MED12L: variants seen among roughly 807,000 people sequenced by gnomAD.
MED12L encodes the protein mediator complex subunit 12L.
In MED12L, 60 loss-of-function variants were observed where a neutral mutation model predicts 281.3. That is an observed-to-expected ratio of 0.21 (90% CI 0.17 to 0.26). The LOEUF is 0.26. MED12L is among the 10% of genes least tolerant of loss of function. The probability of loss-of-function intolerance (pLI) is 1.00; values close to 1 mark genes in which losing one functional copy is unlikely to be tolerated. For synonymous variants in MED12L, 974 were observed against 987.2 expected, an observed-to-expected ratio of 0.99 and a Z score of 0.25; for missense variants, 2,146 against 2,680.9, an observed-to-expected ratio of 0.80 and a Z score of 4.41.
chr3:151,431,557 T>C (rs1245873855), intron 44 of MED12L, among the ~76,000 whole-genome samples: 4 of 152,352 alleles, frequency 2.6e-5, no homozygotes, highest in South Asian at 2.1e-4. Context: ...TACTGTTTAA[T>C]AGATCTGGTC....
chr3:151,369,677 A>G, intron 26 of MED12L, 128 bp downstream of exon 26: 1 of 590,692 alleles, frequency 1.7e-6, no homozygotes, highest in Non-Finnish European at 2.8e-6. Flanking sequence ...ATTCTCCTGG[A>G]AAAATTAGTG....
At chr3:151,338,672 GT>G (rs1018102675) in intron 16 of MED12L, 4 of 1,613,606 alleles carry the variant, frequency 2.5e-6, no homozygotes, top group Non-Finnish European at 3.4e-6. Context: ...AAATAATAAA[GT>G]TTGATTTACT....
rs141007506 is a variant in MED12L, at chr3:151,378,677, G to A, written c.4478+504G>A. ...TTAATTTATTTTATGCCCAAGAAAA[G>A]GTTTCAAGTAATTATATTTGAAAAC... On this transcript the variant is annotated intron_variant, in intron 31 of 44. Coordinates refer to ENST00000687756, the MANE Select transcript of MED12L (RefSeq NM_001393769.1). Among the ~76,000 whole-genome samples the A allele has an allele frequency of 3.0e-3, 456 of 151,836 alleles. 3 individuals carry two copies. The highest frequency in any genetic ancestry group is 0.011 in the African/African-American group (444 of 41,416).
At chr3:151,160,624 G>A (rs754595802) in intron 8 of MED12L, among the ~76,000 whole-genome samples, 2 of 152,174 alleles carry the variant, frequency 1.3e-5, no homozygotes, top group African/African-American at 2.4e-5. Context: ...GGAGCTCACA[G>A]CTTAGTGTTC....
chr3:151,123,273 C>T (rs1714034940), intron 4 of MED12L, among the ~76,000 whole-genome samples: 1 of 152,146 alleles, frequency 6.6e-6, no homozygotes, highest in African/African-American at 2.4e-5. Context: ...AAAAAAATTA[C>T]ATTTCCAGTT....
At chr3:151,223,872 G>A (rs577793807) in intron 16 of MED12L, among the ~76,000 whole-genome samples, 4 of 152,272 alleles carry the variant, frequency 2.6e-5, no homozygotes, top group Admixed American at 6.5e-5. Context: ...CCTACTCCTG[G>A]GGAGGGAAGT....
At chr3:151,190,979 C>T in intron 14 of MED12L, 48 bp downstream of exon 14, 1 of 1,540,964 alleles carries the variant, frequency 6.5e-7, no homozygotes, top group Non-Finnish European at 8.9e-7. Context: ...CTAAACTCTA[C>T]TGGGAACCAT....
chr3:151,184,239 T>C (rs1723014059), intron 11 of MED12L, among the ~76,000 whole-genome samples: 1 of 152,236 alleles, frequency 6.6e-6, no homozygotes, highest in South Asian at 2.1e-4. Context: ...TTTGCTAGCA[T>C]CTACAGCTGA....
intron 16 of MED12L, among the ~76,000 whole-genome samples, chr3:151,283,407 T>A (rs1291246266): frequency 6.6e-6 from 1 of 152,262 alleles, no homozygotes; most frequent in Non-Finnish European, 1.5e-5. Context: ...TATGTGTATT[T>A]TCTCTTTTCA....
At chr3:151,413,620 A>C (rs766096027) in intron 42 of MED12L, among the ~76,000 whole-genome samples, 13 of 152,138 alleles carry the variant, frequency 8.5e-5, no homozygotes, top group Non-Finnish European at 1.3e-4. Flanking sequence ...GAGCCATGCA[A>C]ATTTTTTAAA....
intron 16 of MED12L, among the ~76,000 whole-genome samples, chr3:151,283,856 G>C (rs1350509956): frequency 6.6e-6 from 1 of 152,184 alleles, no homozygotes; most frequent in African/African-American, 2.4e-5. Context: ...CTAATCACTT[G>C]TAGTTGTACA....
chr3:151,259,239 G>C (rs1738414673), intron 16 of MED12L, among the ~76,000 whole-genome samples: 1 of 152,172 alleles, frequency 6.6e-6, no homozygotes, highest in Admixed American at 6.5e-5. Context: ...GTTTCTGTGA[G>C]GTGCTATCAA....
In MED12L at chr3:151,246,967, A is replaced by G. The variant is rs149134398; in HGVS notation, c.2250+53301A>G. Among the ~76,000 whole-genome samples, 1,434 of 152,348 alleles carry G rather than the reference A, an allele frequency of 9.4e-3. 13 individuals carry two copies. Among genetic ancestry groups the G allele is most frequent in the Non-Finnish European group, 0.014 (985 of 68,036 alleles). ...ATCAAAAAGTGGGCAAAGGACACGAACAGACACTTCTCAAAAGAAGACATT... is the reference window on the plus strand; with the variant it reads ...ATCAAAAAGTGGGCAAAGGACACGAGCAGACACTTCTCAAAAGAAGACATT... On this transcript the variant is annotated intron_variant, in intron 16 of 44. Transcript: ENST00000687756.
intron 14 of MED12L, among the ~76,000 whole-genome samples, chr3:151,192,042 A>T (rs1315203102): frequency 6.6e-6 from 1 of 152,258 alleles, no homozygotes; most frequent in Non-Finnish European, 1.5e-5. Context: ...CATACTGTTA[A>T]GGCTTGTTTT....
At chr3:151,097,123 T>G (rs1001218018) in intron 2 of MED12L, among the ~76,000 whole-genome samples, 6 of 152,222 alleles carry the variant, frequency 3.9e-5, no homozygotes, top group African/African-American at 1.4e-4. Context: ...GTGTGTGTGC[T>G]GGAGGTCATT....
chr3:151,125,962 G>A (rs1238267644), intron 4 of MED12L, among the ~76,000 whole-genome samples: 1 of 151,894 alleles, frequency 6.6e-6, no homozygotes, highest in Non-Finnish European at 1.5e-5. Context: ...TCTGTGTTCT[G>A]AAGTCAGCAC....
At chr3:151,120,266 A>G (rs1713554551) in intron 3 of MED12L, among the ~76,000 whole-genome samples, 1 of 151,698 alleles carries the variant, frequency 6.6e-6, no homozygotes, top group African/African-American at 2.4e-5. Context: ...AACAAAAAAC[A>G]CCTTACCTCT....
intron 7 of MED12L, among the ~76,000 whole-genome samples, chr3:151,159,149 G>A (rs966441517): frequency 2.0e-5 from 3 of 152,106 alleles, no homozygotes; most frequent in African/African-American, 4.8e-5. Context: ...TTGAAGATAG[G>A]GGATCTTCTA....
chr3:151,294,443 T>C (rs754466461), intron 16 of MED12L: 1 of 1,614,194 alleles, frequency 6.2e-7, no homozygotes, highest in Non-Finnish European at 8.5e-7. Context: ...GCACAAGTGA[T>C]ATGGTAGAAA....
Sources: allele counts gnomAD v4.1 joint callset (sites outside exome capture counted in the v4.1 genomes callset), GRCh38; gene constraint gnomAD v4.1.1; transcripts MANE v1.5; gene names NCBI Gene and HGNC (gene_info 2026-07-23, HGNC 2026-07-21).